The following PRDM16 variants were observed in gnomAD, a reference collection of about 807,000 sequenced individuals.
PRDM16 encodes histone-lysine N-methyltransferase PRDM16.
In PRDM16, 23 loss-of-function variants were observed where a neutral mutation model predicts 110.6. The observed-to-expected ratio is 0.21, with a 90% CI of 0.15 to 0.29. The LOEUF (loss-of-function observed/expected upper bound fraction) is 0.29, where lower values mean the gene tolerates loss of function less well. Ranked by LOEUF, PRDM16 falls within the 10% of genes least tolerant of loss-of-function variation. The pLI is 1.00. For synonymous variants in PRDM16, 799 were observed against 781.8 expected, an observed-to-expected ratio of 1.02 and a Z score of -0.37; for missense variants, 1,615 against 1,794.3, an observed-to-expected ratio of 0.90 and a Z score of 1.81.
intron 3 of PRDM16, among the ~76,000 whole-genome samples, chr1:3,291,480 C>T (rs570983182): frequency 2.0e-5 from 3 of 152,308 alleles, no homozygotes; most frequent in African/African-American, 7.2e-5. Context: ...ACACCATCCG[C>T]TGTCATCACT....
In PRDM16 at chr1:3,294,694, G is replaced by A. The variant is rs539083276; in HGVS notation, c.438+50557G>A. ...CCCCAGGCCTCGCGGGCTGGGCTGCGTTTGGTTGAGCATTGACAAAGTCAC... is the reference window on the plus strand; with the variant it reads ...CCCCAGGCCTCGCGGGCTGGGCTGCATTTGGTTGAGCATTGACAAAGTCAC... On this transcript the variant is annotated intron_variant, in intron 3 of 16. Transcript: ENST00000270722. Among the ~76,000 whole-genome samples the A allele has an allele frequency of 9.2e-5, 14 of 152,252 alleles. No individual in the cohort carries two copies. In the South Asian group the frequency reaches 1.9e-3, roughly 20 times the overall value.
chr1:3,117,460 T>C (rs1642987094), intron 1 of PRDM16, among the ~76,000 whole-genome samples: 1 of 152,118 alleles, frequency 6.6e-6, no homozygotes, highest in Non-Finnish European at 1.5e-5. Context: ...AGAGAGCCTG[T>C]GAGGTGCATG....
chr1:3,164,750 C>T (rs926115846), intron 1 of PRDM16, among the ~76,000 whole-genome samples: 19 of 152,108 alleles, frequency 1.2e-4, no homozygotes, highest in African/African-American at 4.6e-4. Context: ...TCAGGTGTCC[C>T]GGCAGCAGTG....
At chr1:3,318,088 T>C (rs1313482249) in intron 3 of PRDM16, among the ~76,000 whole-genome samples, 1 of 152,174 alleles carries the variant, frequency 6.6e-6, no homozygotes, top group Non-Finnish European at 1.5e-5. Context: ...TTCGGGGTAA[T>C]TGCAGTCATG....
chr1:3,114,615 T>C (rs1000747412), intron 1 of PRDM16, among the ~76,000 whole-genome samples: 6 of 146,174 alleles, frequency 4.1e-5, no homozygotes, highest in East Asian at 2.1e-4. Flanking sequence ...CACACGTGCA[T>C]ACACACATGA....
intron 1 of PRDM16, among the ~76,000 whole-genome samples, chr1:3,097,135 C>T (rs764852819): frequency 2.0e-5 from 3 of 152,138 alleles, no homozygotes; most frequent in African/African-American, 4.8e-5. Flanking sequence ...AAGTTGCCCT[C>T]GTAGCCAAGG....
chr1:3,241,213 C>T (rs943179038), intron 2 of PRDM16, among the ~76,000 whole-genome samples: 1 of 152,256 alleles, frequency 6.6e-6, no homozygotes, highest in Non-Finnish European at 1.5e-5. Context: ...CAGGCCCCAG[C>T]GCCCTGCCTG....
chr1:3,396,031 G>A (rs539784951), intron 4 of PRDM16, among the ~76,000 whole-genome samples: 27 of 152,324 alleles, frequency 1.8e-4, no homozygotes, highest in African/African-American at 6.3e-4. Flanking sequence ...TGACTCACTG[G>A]CCAGGCGCAG....
intron 1 of PRDM16, among the ~76,000 whole-genome samples, chr1:3,181,372 GCA>G (rs374593838): frequency 1.5e-3 from 22 of 14,636 alleles, no homozygotes; most frequent in Admixed American, 3.0e-3. Flanking sequence ...TCTTACACAC[GCA>G]GTCTTACACA....
At chr1:3,292,715 C>G (rs1641004466) in intron 3 of PRDM16, among the ~76,000 whole-genome samples, 1 of 152,136 alleles carries the variant, frequency 6.6e-6, no homozygotes, top group Non-Finnish European at 1.5e-5. Context: ...TGGAGGTGGC[C>G]CCAGGAGACA....
chr1:3,242,915 T>C (rs1639708120), intron 2 of PRDM16, among the ~76,000 whole-genome samples: 1 of 152,258 alleles, frequency 6.6e-6, no homozygotes, highest in Admixed American at 6.5e-5. Flanking sequence ...ATGGCCACTT[T>C]GGGTCCAGAA....
intron 2 of PRDM16, among the ~76,000 whole-genome samples, chr1:3,192,197 C>G (rs1381350949): frequency 6.6e-6 from 1 of 152,182 alleles, no homozygotes; most frequent in Non-Finnish European, 1.5e-5. Flanking sequence ...GCCTAAAGTC[C>G]TAGACAGAGC....
At chr1:3,343,029 T>C (rs1305335797) in intron 3 of PRDM16, among the ~76,000 whole-genome samples, 2 of 152,072 alleles carry the variant, frequency 1.3e-5, no homozygotes, top group Non-Finnish European at 2.9e-5. Context: ...GGAGTAAAAT[T>C]GTTCACTAGT....
chr1:3,259,359 C>T (rs72632121), intron 3 of PRDM16, among the ~76,000 whole-genome samples: 3,254 of 152,326 alleles, frequency 0.021, 55 homozygotes, highest in Non-Finnish European at 0.033. Context: ...GCAGCACCCT[C>T]CGTGTGCAAA....
chr1:3,346,794 G>A lies in PRDM16; in HGVS notation c.439-38358G>A, dbSNP rs530135147. ...CTACAAGGGAAGGGGCTCCTCTCACGTTCGCCCGCCCCAGTGGCCTAGTGA... is the reference window on the plus strand; with the variant it reads ...CTACAAGGGAAGGGGCTCCTCTCACATTCGCCCGCCCCAGTGGCCTAGTGA... On this transcript the variant is annotated intron_variant, in intron 3 of 16. Transcript: ENST00000270722. 2.5e-3 allele frequency among the ~76,000 whole-genome samples: 376 copies of A among 152,256 alleles called. 2 individuals carry two copies. The highest frequency in any genetic ancestry group is 4.2e-3 in the Non-Finnish European group (289 of 68,016).
intron 1 of PRDM16, among the ~76,000 whole-genome samples, chr1:3,092,790 C>T (rs770512404): frequency 6.6e-6 from 1 of 152,078 alleles, no homozygotes; most frequent in Non-Finnish European, 1.5e-5. Flanking sequence ...GCAACCTGGG[C>T]TGGGATTGGG....
At chr1:3,293,862 GC>G (rs1429190304) in intron 3 of PRDM16, among the ~76,000 whole-genome samples, 6 of 152,218 alleles carry the variant, frequency 3.9e-5, no homozygotes, top group Admixed American at 2.0e-4. Flanking sequence ...GCGTGGCCCG[GC>G]CCCGGCAGGT....
chr1:3,372,889 G>C lies in PRDM16; in HGVS notation c.439-12263G>C, dbSNP rs920266882. Among the ~76,000 whole-genome samples, 81 of 152,212 alleles carry C rather than the reference G, an allele frequency of 5.3e-4. 5 individuals are homozygous for C. Among genetic ancestry groups the C allele is most frequent in the Non-Finnish European group, 8.8e-5 (6 of 68,040 alleles). ...AGCCTAAGGAGCAGGGACTGGTGTG[G>C]GGCCTGCTATGGGGTGGGGAGAGGG... On this transcript the variant is annotated intron_variant, in intron 3 of 16. Coordinates refer to ENST00000270722, the MANE Select transcript of PRDM16 (RefSeq NM_022114.4).
chr1:3,166,965 C>T (rs886909113), intron 1 of PRDM16, among the ~76,000 whole-genome samples: 5 of 152,168 alleles, frequency 3.3e-5, no homozygotes, highest in East Asian at 1.9e-4. Context: ...GGCACTTGCT[C>T]GAGTACGCAC....
Sources: allele counts gnomAD v4.1 joint callset (sites outside exome capture counted in the v4.1 genomes callset), GRCh38; gene constraint gnomAD v4.1.1; transcripts MANE v1.5; gene names NCBI Gene and HGNC (gene_info 2026-07-23, HGNC 2026-07-21).